PCDH9: variants seen among roughly 807,000 people sequenced by gnomAD.
PCDH9 encodes the protein protocadherin-9.
In PCDH9, 24 loss-of-function variants were observed where a neutral mutation model predicts 70.6. The observed-to-expected ratio is 0.34, with a 90% CI of 0.25 to 0.48. The LOEUF (loss-of-function observed/expected upper bound fraction) is 0.48, where lower values mean the gene tolerates loss of function less well. PCDH9 is among the 20% of genes least tolerant of loss of function. The pLI, the probability that PCDH9 is intolerant of heterozygous loss-of-function variation, is 0.99. For synonymous variants in PCDH9, 562 were observed against 558.5 expected, an observed-to-expected ratio of 1.01 and a Z score of -0.09; for missense variants, 1,281 against 1,503.6, an observed-to-expected ratio of 0.85 and a Z score of 2.45.
intron 4 of PCDH9, among the ~76,000 whole-genome samples, chr13:66,507,329 T>A (rs1168864115): frequency 6.6e-6 from 1 of 152,184 alleles, no homozygotes; most frequent in East Asian, 1.9e-4. Flanking sequence ...TTTTTCTTCA[T>A]TTTTATGTAG....
intron 3 of PCDH9, among the ~76,000 whole-genome samples, chr13:66,649,377 C>A (rs1257719224): frequency 1.3e-5 from 2 of 151,970 alleles, no homozygotes; most frequent in East Asian, 3.9e-4. Context: ...TCAGTGGAAA[C>A]CCTATAGGCT....
chr13:66,497,052 T>G (rs1959128041), intron 4 of PCDH9, among the ~76,000 whole-genome samples: 1 of 151,966 alleles, frequency 6.6e-6, no homozygotes, highest in Non-Finnish European at 1.5e-5. Flanking sequence ...AATGGATTTT[T>G]TAAAGTTTCT....
At position 67,228,512 on chromosome 13, in the gene PCDH9, G is replaced by T; in HGVS notation, c.-72C>A. 7.7e-7 allele frequency: 1 copy of T among 1,305,642 alleles called. No individual in the cohort carries two copies. The highest frequency in any genetic ancestry group is 1.0e-6 in the Non-Finnish European group (1 of 953,704). The allele number at this position is 1,305,642 out of a possible 1,614,324, so 80.9% of individuals were successfully genotyped here. On this transcript the variant is annotated 5_prime_UTR_variant, in exon 2 of 5. An upstream open reading frame in the 5' UTR gains an earlier in-frame stop. Transcript: ENST00000377865. ...TCCACTGAGGAATGATGCACAAATT[G>T]CAAGAGGAAGCGTGCATGGACTGGA... is the stretch of plus-strand genomic sequence containing the variant.
chr13:66,434,921 AT>A (rs2138384950), intron 4 of PCDH9, among the ~76,000 whole-genome samples: 1 of 152,240 alleles, frequency 6.6e-6, no homozygotes. Context: ...TGGAAAAAAC[AT>A]TAGAAGAGCC....
intron 4 of PCDH9, among the ~76,000 whole-genome samples, chr13:66,379,949 C>T (rs1956815732): frequency 6.6e-6 from 1 of 151,824 alleles, no homozygotes; most frequent in African/African-American, 2.4e-5. Flanking sequence ...ACAAATAAAA[C>T]CCCAAAATTA....
intron 4 of PCDH9, among the ~76,000 whole-genome samples, chr13:66,470,754 A>T (rs1338500808): frequency 6.6e-6 from 1 of 151,658 alleles, no homozygotes; most frequent in Admixed American, 6.6e-5. Flanking sequence ...GGAAGCTCAC[A>T]TAAGAATTAG....
chr13:66,421,882 A>G (rs922467662), intron 4 of PCDH9, among the ~76,000 whole-genome samples: 27 of 152,214 alleles, frequency 1.8e-4, no homozygotes, highest in African/African-American at 6.0e-4. Flanking sequence ...TAAAGAGTCA[A>G]GACCCATCGG....
chr13:66,666,228 G>A (rs1435760610), intron 3 of PCDH9, among the ~76,000 whole-genome samples: 2 of 152,134 alleles, frequency 1.3e-5, no homozygotes, highest in Admixed American at 1.3e-4. Flanking sequence ...CAGGCTTTTC[G>A]CTGGAGTAGA....
In PCDH9 at chr13:67,194,368, C is replaced by CT. The variant is rs34743461; in HGVS notation, c.3036+31036dup. Among the ~76,000 whole-genome samples the CT allele has an allele frequency of 1.9e-3, 276 of 147,684 alleles. 1 individual carries two copies. Among genetic ancestry groups the CT allele is most frequent in the South Asian group, 9.5e-3 (45 of 4,716 alleles). ...CTGAAATAAGTTTTTTAACTTTTATCTTTTTTTTTTTGTATTTGATTTTCC... is the reference window on the plus strand; with the variant it reads ...CTGAAATAAGTTTTTTAACTTTTATCTTTTTTTTTTTTGTATTTGATTTTCC... On this transcript the variant is annotated intron_variant, in intron 2 of 4. Coordinates refer to ENST00000377865, the MANE Select transcript of PCDH9 (RefSeq NM_203487.3).
chr13:66,401,795 C>T (rs1490630253), intron 4 of PCDH9, among the ~76,000 whole-genome samples: 1 of 152,068 alleles, frequency 6.6e-6, no homozygotes, highest in Non-Finnish European at 1.5e-5. Flanking sequence ...ATTGGGCTTC[C>T]TGACCCTCTC....
chr13:66,920,086 A>G (rs960700625), intron 2 of PCDH9, among the ~76,000 whole-genome samples: 3 of 150,994 alleles, frequency 2.0e-5, no homozygotes, highest in Non-Finnish European at 3.0e-5. Context: ...GCACTGGCAT[A>G]CTATTGTTCA....
Position 67,129,338 on chromosome 13 carries a change from T to G in PCDH9, c.3036+96067A>C, listed in dbSNP as rs2087052493. Among the ~76,000 whole-genome samples the G allele has an allele frequency of 3.3e-5, 5 of 152,194 alleles. No individual in the cohort carries two copies. In the South Asian group the frequency reaches 1.0e-3, roughly 32 times the overall value. ...AATTATGCCTATGGTTTAAAAAGTG[T>G]AAGCAATTATGAGTTACATGTTAGT... On this transcript the variant is annotated intron_variant, in intron 2 of 4. Coordinates refer to ENST00000377865, the MANE Select transcript of PCDH9 (RefSeq NM_203487.3).
At chr13:66,799,267 C>T (rs1048307261) in intron 3 of PCDH9, among the ~76,000 whole-genome samples, 3 of 152,144 alleles carry the variant, frequency 2.0e-5, no homozygotes, top group African/African-American at 7.2e-5. Flanking sequence ...TCTATGCGGT[C>T]AAGTGGTCAG....
intron 2 of PCDH9, chr13:66,996,283 T>G (rs889143122): frequency 6.6e-6 from 1 of 152,066 alleles, no homozygotes; most frequent in Non-Finnish European, 1.5e-5. Flanking sequence ...TGTATTCTAG[T>G]GAGTACAGAC....
At chr13:66,385,433 C>A (rs1329931161) in intron 4 of PCDH9, among the ~76,000 whole-genome samples, 1 of 152,028 alleles carries the variant, frequency 6.6e-6, no homozygotes, top group East Asian at 1.9e-4. Context: ...CTCATGCCTC[C>A]GTCTAGCCCG....
At chr13:66,619,251 A>G (rs1382676709) in intron 4 of PCDH9, among the ~76,000 whole-genome samples, 1 of 152,188 alleles carries the variant, frequency 6.6e-6, no homozygotes, top group Non-Finnish European at 1.5e-5. Flanking sequence ...TTAAAATCAT[A>G]AAGTGAGCAT....
chr13:66,624,744 T>C (rs2077476212), intron 4 of PCDH9, among the ~76,000 whole-genome samples: 1 of 152,226 alleles, frequency 6.6e-6, no homozygotes, highest in Non-Finnish European at 1.5e-5. Context: ...ATTAGAAACA[T>C]ACTTAAATAT....
intron 2 of PCDH9, among the ~76,000 whole-genome samples, chr13:67,042,235 T>C (rs1184933536): frequency 2.0e-5 from 3 of 152,162 alleles, no homozygotes; most frequent in African/African-American, 4.8e-5. Context: ...ACTTTCATAC[T>C]GCTATAAAGA....
At chr13:66,576,632 A>G (rs1284767947) in intron 4 of PCDH9, among the ~76,000 whole-genome samples, 1 of 152,116 alleles carries the variant, frequency 6.6e-6, no homozygotes, top group Non-Finnish European at 1.5e-5. Context: ...GACAAGCTAA[A>G]CTGTGAGACC....
Sources: gnomAD v4.1 joint callset for allele counts (sites outside exome capture counted in the v4.1 genomes callset) on GRCh38, gnomAD v4.1.1 for gene constraint, MANE v1.5 for transcripts, NCBI Gene and HGNC (gene_info 2026-07-23, HGNC 2026-07-21) for gene names.